CEP162: variants seen among roughly 807,000 people sequenced by gnomAD.
CEP162 encodes the protein centrosomal protein 162, also known as centrosomal protein of 162 kDa.
CEP162 carries 141 observed loss-of-function variants against 169.2 expected under a neutral mutation model. That is an observed-to-expected ratio of 0.83 (90% CI 0.73 to 0.96). The LOEUF is 0.96. Ranked by LOEUF, CEP162 falls within the 40% of genes least tolerant of loss-of-function variation. The pLI, the probability that CEP162 is intolerant of heterozygous loss-of-function variation, is 0.00. For synonymous variants in CEP162, 540 were observed against 526.4 expected, an observed-to-expected ratio of 1.03 and a Z score of -0.35; for missense variants, 1,600 against 1,587.2, an observed-to-expected ratio of 1.01 and a Z score of -0.14.
intron 18 of CEP162, among the ~76,000 whole-genome samples, chr6:84,164,323 A>G (rs2099526920): frequency 6.6e-6 from 1 of 152,218 alleles, no homozygotes; most frequent in East Asian, 1.9e-4. Flanking sequence ...TAGAAATACC[A>G]TTTGACTCAG....
chr6:84,196,985 A>G (rs2099542430), intron 9 of CEP162, among the ~76,000 whole-genome samples: 1 of 152,222 alleles, frequency 6.6e-6, no homozygotes, highest in African/African-American at 2.4e-5. Context: ...TGCTTGCAGC[A>G]TGAATGAAAG....
intron 25 of CEP162, among the ~76,000 whole-genome samples, chr6:84,138,627 G>A (rs923019002): frequency 6.6e-6 from 1 of 152,094 alleles, no homozygotes; most frequent in African/African-American, 2.4e-5. Flanking sequence ...TAGTAGTGAG[G>A]CTTAAAAATC....
At position 84,191,415 on chromosome 6, in the gene CEP162, C is replaced by T. The variant is rs540310626; in HGVS notation, c.1109+2194G>A. Among the ~76,000 whole-genome samples the T allele has an allele frequency of 2.6e-5, 4 of 152,310 alleles. No individual in the cohort carries two copies. The South Asian group carries it at 6.2e-4, about 24-fold the overall frequency. ...TAACCTAATCAAGGAAAATAAACCC[C>T]TATTCCCAAGGTAGGGGGCCTTTAC... On this transcript the variant is annotated intron_variant, in intron 11 of 26. Coordinates refer to ENST00000403245, the MANE Select transcript of CEP162 (RefSeq NM_014895.4).
At chr6:84,132,463 G>A (rs144029922) in intron 25 of CEP162, among the ~76,000 whole-genome samples, 3,745 of 152,148 alleles carry the variant, frequency 0.025, 139 homozygotes, top group African/African-American at 0.085. Flanking sequence ...CATTCTCCCC[G>A]TCACTTTCAG....
At chr6:84,207,334 A>T (rs2099547588) in intron 6 of CEP162, among the ~76,000 whole-genome samples, 2 of 152,140 alleles carry the variant, frequency 1.3e-5, no homozygotes, top group Admixed American at 1.3e-4. Context: ...TCCATCAATG[A>T]TAGACTGGAT....
chr6:84,184,612 C>G (rs2099536314), intron 13 of CEP162, among the ~76,000 whole-genome samples: 1 of 152,108 alleles, frequency 6.6e-6, no homozygotes, highest in South Asian at 2.1e-4. Context: ...CTTCCAACCT[C>G]ACTCTGTTTC....
At chr6:84,197,825 C>CG (rs2099542791) in intron 9 of CEP162, among the ~76,000 whole-genome samples, 2 of 64,186 alleles carry the variant, frequency 3.1e-5, no homozygotes, top group Admixed American at 1.6e-4. Flanking sequence ...TCAAACAAAA[C>CG]AAAAAAAAAA....
At chr6:84,150,917 A>T (rs1588734589) in intron 23 of CEP162, among the ~76,000 whole-genome samples, 2 of 152,264 alleles carry the variant, frequency 1.3e-5, no homozygotes, top group East Asian at 1.9e-4. Flanking sequence ...GTGGGGATGC[A>T]AAAGCAGCAT....
intron 8 of CEP162, among the ~76,000 whole-genome samples, chr6:84,201,307 A>C (rs921757998): frequency 6.6e-6 from 1 of 152,116 alleles, no homozygotes; most frequent in African/African-American, 2.4e-5. Flanking sequence ...ACAAACAAAC[A>C]AACAAAATGC....
At chr6:84,211,845 A>G (rs538009594) in intron 6 of CEP162, among the ~76,000 whole-genome samples, 1 of 151,818 alleles carries the variant, frequency 6.6e-6, no homozygotes, top group Non-Finnish European at 1.5e-5. Flanking sequence ...CCAACTCTGA[A>G]CAGAATAAAT....
At position 84,160,801 on chromosome 6, in the gene CEP162, T is replaced by G. The variant is rs376220623; in HGVS notation, c.2781+11A>C. The G allele has an allele frequency of 4.5e-5, 69 of 1,542,186 alleles. No individual in the cohort carries two copies. Among genetic ancestry groups the G allele is most frequent in the African/African-American group, 9.5e-5 (7 of 73,578 alleles). ...AAAATATGCTCATGAAAATTTACCC[T>G]GAACACATACTTGTCGCTCCAGATC... On this transcript the variant is annotated intron_variant, in intron 21 of 26. Transcript: ENST00000403245.
At chr6:84,139,678 A>G (rs2099515703) in intron 25 of CEP162, among the ~76,000 whole-genome samples, 1 of 152,216 alleles carries the variant, frequency 6.6e-6, no homozygotes, top group Admixed American at 6.5e-5. Flanking sequence ...GCAGTCAGTC[A>G]AGAAAGGAAG....
In CEP162 at chr6:84,155,587, C is replaced by T. The variant is rs948451532; in HGVS notation, c.2782-77G>A. Reference sequence around the variant, plus strand: ...CAGTAAAGTTTCAGGATACAATCTACAGAAATCTCTGTATACAGTAGCATT... The same window carrying T: ...CAGTAAAGTTTCAGGATACAATCTATAGAAATCTCTGTATACAGTAGCATT... On this transcript the variant is annotated intron_variant, in intron 21 of 26. Transcript: ENST00000403245. 34 of 997,922 alleles carry T rather than the reference C, an allele frequency of 3.4e-5. No individual in the cohort carries two copies. In the Admixed American group the frequency reaches 7.6e-4, roughly 22 times the overall value. 61.8% of individuals were successfully genotyped at this position (997,922 alleles called of 1,614,324 possible).
chr6:84,212,543 T>G (rs2099549901), intron 6 of CEP162, among the ~76,000 whole-genome samples: 1 of 151,288 alleles, frequency 6.6e-6, no homozygotes, highest in South Asian at 2.1e-4. Flanking sequence ...CAAAGAAGAA[T>G]AGCTAAAAAG....
At chr6:84,132,832 G>C (rs976302268) in intron 25 of CEP162, among the ~76,000 whole-genome samples, 1 of 152,030 alleles carries the variant, frequency 6.6e-6, no homozygotes, top group Non-Finnish European at 1.5e-5. Context: ...CTGATCTTCT[G>C]AGGCCTACTT....
chr6:84,140,375 C>T (rs2099516068), intron 25 of CEP162, among the ~76,000 whole-genome samples: 2 of 152,126 alleles, frequency 1.3e-5, no homozygotes, highest in African/African-American at 4.8e-5. Flanking sequence ...ACCATTTTCA[C>T]ACAACTCTTC....
At chr6:84,128,189 G>A (rs938987906) in intron 25 of CEP162, among the ~76,000 whole-genome samples, 1 of 151,980 alleles carries the variant, frequency 6.6e-6, no homozygotes, top group Non-Finnish European at 1.5e-5. Flanking sequence ...AACATTCATT[G>A]GTAAATCACA....
intron 23 of CEP162, among the ~76,000 whole-genome samples, chr6:84,150,022 T>C (rs908796470): frequency 1.3e-5 from 2 of 152,130 alleles, no homozygotes; most frequent in African/African-American, 4.8e-5. Flanking sequence ...CATTTGATCT[T>C]TTAAGATAAA....
chr6:84,163,187 C>G lies in CEP162; in HGVS notation c.2469G>C (p.Lys823Asn). The change falls in exon 19 of 27, where the codon AAG becomes AAC. Residue 823 changes from lysine (K) to asparagine (N), a missense_variant. Lys to Asn is a moderately conservative substitution (Grantham distance 94). Coordinates refer to ENST00000403245, the MANE Select transcript of CEP162 (RefSeq NM_014895.4). ...QALEVDFEKM[K>N]KERDQAKDQI... is the part of the protein sequence containing the mutation. Reference sequence around the variant, plus strand: ...GATCTTTGGCTTGGTCCCTCTCTTTCTTCATTTTTTCGAAGTCTACTTCAA... The same window carrying G: ...GATCTTTGGCTTGGTCCCTCTCTTTGTTCATTTTTTCGAAGTCTACTTCAA... 6.2e-7 allele frequency: 1 copy of G among 1,613,272 alleles called. No homozygotes were observed. The highest frequency in any genetic ancestry group is 2.2e-5 in the East Asian group (1 of 44,790).
Sources: gnomAD v4.1 joint callset for allele counts (sites outside exome capture counted in the v4.1 genomes callset) on GRCh38, gnomAD v4.1.1 for gene constraint, MANE v1.5 for transcripts, NCBI Gene and HGNC (gene_info 2026-07-23, HGNC 2026-07-21) for gene names.